RNF180: variants seen among roughly 807,000 people sequenced by gnomAD.
RNF180 encodes the protein ring finger protein 180.
RNF180 carries 38 observed loss-of-function variants against 59.2 expected under a neutral mutation model. That is an observed-to-expected ratio of 0.64 (90% CI 0.50 to 0.84). The LOEUF is 0.84. Ranked by LOEUF, RNF180 falls within the 40% of genes least tolerant of loss-of-function variation. RNF180 has a pLI of 0.00. For missense variants in RNF180, 705 were observed against 700.9 expected, an observed-to-expected ratio of 1.01 and a Z score of -0.07; for synonymous variants, 262 against 240.3, an observed-to-expected ratio of 1.09 and a Z score of -0.84.
chr5:64,208,875 G>C (rs953822273), intron 2 of RNF180, among the ~76,000 whole-genome samples: 1 of 151,858 alleles, frequency 6.6e-6, no homozygotes. Flanking sequence ...AAATGAAGGA[G>C]GTTGGGTTGA....
chr5:64,319,130 C>G (rs1487107821), intron 5 of RNF180, among the ~76,000 whole-genome samples: 2 of 150,168 alleles, frequency 1.3e-5, no homozygotes, highest in Non-Finnish European at 3.0e-5. Flanking sequence ...TGGAAATTCT[C>G]TGTACTTTCT....
At chr5:64,295,580 T>TA (rs763147309) in intron 5 of RNF180, among the ~76,000 whole-genome samples, 22 of 152,250 alleles carry the variant, frequency 1.4e-4, no homozygotes, top group Non-Finnish European at 3.2e-4. Context: ...CATGTCCTGA[T>TA]ACTTGTTCTG....
chr5:64,353,498 G>A (rs1745896236), intron 7 of RNF180, among the ~76,000 whole-genome samples: 1 of 151,568 alleles, frequency 6.6e-6, no homozygotes, highest in Non-Finnish European at 1.5e-5. Flanking sequence ...GTTAATATAT[G>A]TATTCTGGAA....
chr5:64,316,235 T>C (rs187984464), intron 5 of RNF180, among the ~76,000 whole-genome samples: 72 of 152,338 alleles, frequency 4.7e-4, no homozygotes, highest in Non-Finnish European at 9.1e-4. Flanking sequence ...AGAATACTTT[T>C]GCCCTCATTA....
At chr5:64,300,336 G>A (rs529013681) in intron 5 of RNF180, among the ~76,000 whole-genome samples, 2 of 151,930 alleles carry the variant, frequency 1.3e-5, no homozygotes, top group African/African-American at 2.4e-5. Flanking sequence ...TCCACAGACA[G>A]TTCCTGACTT....
intron 5 of RNF180, among the ~76,000 whole-genome samples, chr5:64,288,170 A>G (rs1281819470): frequency 6.6e-6 from 1 of 152,070 alleles, no homozygotes; most frequent in Admixed American, 6.6e-5. Flanking sequence ...TCCTTTCCCC[A>G]TTGTTTGTTT....
chr5:64,271,988 A>G (rs1007012556), intron 5 of RNF180, among the ~76,000 whole-genome samples: 3 of 152,064 alleles, frequency 2.0e-5, no homozygotes, highest in Admixed American at 2.0e-4. Flanking sequence ...TATAAAATAC[A>G]ATAGACTAGA....
At chr5:64,256,139 A>T (rs2112296699) in intron 5 of RNF180, among the ~76,000 whole-genome samples, 1 of 152,042 alleles carries the variant, frequency 6.6e-6, no homozygotes, top group South Asian at 2.1e-4. Flanking sequence ...ATTTTCTCCC[A>T]TTCTGTAGGT....
At chr5:64,285,244 G>T (rs1240418110) in intron 5 of RNF180, among the ~76,000 whole-genome samples, 1 of 152,136 alleles carries the variant, frequency 6.6e-6, no homozygotes, top group African/African-American at 2.4e-5. Flanking sequence ...TTGTTTGGGG[G>T]TGCTGGCCAC....
intron 1 of RNF180, among the ~76,000 whole-genome samples, chr5:64,189,274 A>G (rs1177904586): frequency 6.6e-6 from 1 of 152,102 alleles, no homozygotes; most frequent in Admixed American, 6.6e-5. Flanking sequence ...ACACATAAAA[A>G]TGGAGAAACA....
intron 5 of RNF180, among the ~76,000 whole-genome samples, chr5:64,311,619 G>C (rs1743770271): frequency 6.6e-6 from 1 of 151,914 alleles, no homozygotes. Context: ...TTCATAAACT[G>C]TTCCTTTTGC....
At chr5:64,322,341 G>GT (rs1003503068) in intron 5 of RNF180, among the ~76,000 whole-genome samples, 24 of 151,850 alleles carry the variant, frequency 1.6e-4, no homozygotes, top group Non-Finnish European at 1.5e-5. Context: ...TGGGGAAAGG[G>GT]TATGAACAGA....
intron 7 of RNF180, among the ~76,000 whole-genome samples, chr5:64,364,237 T>C (rs1746362852): frequency 1.3e-5 from 2 of 151,870 alleles, no homozygotes; most frequent in Admixed American, 6.6e-5. Context: ...ATGGCCCTTA[T>C]TATTGAGGTG....
chr5:64,253,204 G>C (rs570287248), intron 5 of RNF180, among the ~76,000 whole-genome samples: 1 of 152,056 alleles, frequency 6.6e-6, no homozygotes, highest in Non-Finnish European at 1.5e-5. Context: ...ATTCACACTT[G>C]CTAGACTTAA....
chr5:64,217,587 G>A, intron 5 of RNF180, 191 bp downstream of exon 5: 1 of 923,736 alleles, frequency 1.1e-6, no homozygotes, highest in Non-Finnish European at 1.4e-6. Flanking sequence ...ACTTTAATTT[G>A]CTTTTCCTTA....
chr5:64,261,686 A>G (rs1230399752), intron 5 of RNF180, among the ~76,000 whole-genome samples: 1 of 152,136 alleles, frequency 6.6e-6, no homozygotes, highest in Non-Finnish European at 1.5e-5. Flanking sequence ...TTACAAACAT[A>G]TGTTTTAAGT....
At chr5:64,332,767 T>C (rs1744963477) in intron 7 of RNF180, among the ~76,000 whole-genome samples, 2 of 152,334 alleles carry the variant, frequency 1.3e-5, no homozygotes, top group Middle Eastern at 3.4e-3. Context: ...TTTCGTTATT[T>C]AACAATTATG....
intron 5 of RNF180, among the ~76,000 whole-genome samples, chr5:64,237,322 G>A (rs1349399908): frequency 2.0e-5 from 3 of 152,108 alleles, no homozygotes; most frequent in Non-Finnish European, 2.9e-5. Context: ...TTGACTGCCC[G>A]GCCAGGTGTC....
At chr5:64,303,991 A>G (rs1743302943) in intron 5 of RNF180, among the ~76,000 whole-genome samples, 2 of 151,650 alleles carry the variant, frequency 1.3e-5, no homozygotes. Flanking sequence ...TACCTGTTTC[A>G]TAAATCATAA....
Sources: gnomAD v4.1 joint callset for allele counts (sites outside exome capture counted in the v4.1 genomes callset) on GRCh38, gnomAD v4.1.1 for gene constraint, MANE v1.5 for transcripts, NCBI Gene and HGNC (gene_info 2026-07-23, HGNC 2026-07-21) for gene names.